Variants in LRMDA observed in about 807,000 individuals in gnomAD.
LRMDA encodes the protein leucine-rich melanocyte differentiation-associated protein.
In LRMDA, 18 loss-of-function variants were observed where a neutral mutation model predicts 29.8. That is an observed-to-expected ratio of 0.60 (90% CI 0.42 to 0.90). The LOEUF is 0.90. Among genes scored for constraint, LRMDA ranks in the 40% least tolerant of loss-of-function variants. The probability of loss-of-function intolerance (pLI) is 0.00; values close to 1 mark genes in which losing one functional copy is unlikely to be tolerated. For synonymous variants in LRMDA, 125 were observed against 109.4 expected (o/e 1.14, Z -0.89); for missense variants, 273 against 273.9 (o/e 1.00, Z 0.02).
At chr10:75,995,937 G>C (rs1269936017) in intron 2 of LRMDA, among the ~76,000 whole-genome samples, 1 of 152,124 alleles carries the variant, frequency 6.6e-6, no homozygotes, top group Non-Finnish European at 1.5e-5. Flanking sequence ...AAATTCCTGA[G>C]ATAAAATAAT....
intron 6 of LRMDA, among the ~76,000 whole-genome samples, chr10:76,545,638 T>TTTATTATTATTATTA (rs143193002): frequency 5.5e-4 from 79 of 143,774 alleles, no homozygotes; most frequent in Admixed American, 1.3e-3. Context: ...GGAACAACCT[T>TTTATTATTATTATTA]TTATTATTAT....
chr10:75,567,997 G>A (rs1840393891), intron 2 of LRMDA, among the ~76,000 whole-genome samples: 1 of 152,164 alleles, frequency 6.6e-6, no homozygotes, highest in Non-Finnish European at 1.5e-5. Flanking sequence ...ACATTATCTT[G>A]AAAAAGGAGC....
At chr10:76,494,835 A>G (rs1842866704) in intron 6 of LRMDA, among the ~76,000 whole-genome samples, 1 of 151,772 alleles carries the variant, frequency 6.6e-6, no homozygotes, top group Admixed American at 6.6e-5. Flanking sequence ...TTCTCTAAGT[A>G]TTTTGGACTC....
chr10:76,431,479 G>A (rs1842190262), intron 6 of LRMDA, among the ~76,000 whole-genome samples: 1 of 152,128 alleles, frequency 6.6e-6, no homozygotes, highest in African/African-American at 2.4e-5. Flanking sequence ...TGCAAATTCT[G>A]GGGCTTGAGA....
intron 2 of LRMDA, among the ~76,000 whole-genome samples, chr10:75,596,446 A>G (rs1195465785): frequency 6.6e-6 from 1 of 152,138 alleles, no homozygotes; most frequent in Non-Finnish European, 1.5e-5. Context: ...TTTTCTTCCT[A>G]GGAGTCTCCT....
At chr10:75,627,347 C>T (rs1283926496) in intron 2 of LRMDA, among the ~76,000 whole-genome samples, 1 of 152,194 alleles carries the variant, frequency 6.6e-6, no homozygotes, top group East Asian at 1.9e-4. Flanking sequence ...TCCTTGGAAA[C>T]TGTCTCCCCT....
chr10:76,097,770 C>T (rs889109825), intron 5 of LRMDA, among the ~76,000 whole-genome samples: 3 of 152,096 alleles, frequency 2.0e-5, no homozygotes, highest in African/African-American at 7.2e-5. Flanking sequence ...ATAAACCCTA[C>T]TTGGTAATGA....
chr10:76,243,237 A>G (rs1852310806), intron 5 of LRMDA, among the ~76,000 whole-genome samples: 1 of 152,190 alleles, frequency 6.6e-6, no homozygotes, highest in Non-Finnish European at 1.5e-5. Context: ...GTAATTTACT[A>G]CAGAGTTCGA....
intron 2 of LRMDA, among the ~76,000 whole-genome samples, chr10:75,695,369 T>C (rs1842221173): frequency 6.6e-6 from 1 of 152,090 alleles, no homozygotes; most frequent in Non-Finnish European, 1.5e-5. Context: ...TCTTATGTCT[T>C]AAAAATTGTA....
chr10:76,036,553 C>T (rs1468491735), intron 3 of LRMDA, among the ~76,000 whole-genome samples: 1 of 152,164 alleles, frequency 6.6e-6, no homozygotes, highest in Non-Finnish European at 1.5e-5. Flanking sequence ...AAGCAAACTT[C>T]CTCTCCTGGG....
chr10:75,448,269 C>T (rs1166913282), intron 2 of LRMDA, among the ~76,000 whole-genome samples: 1 of 152,202 alleles, frequency 6.6e-6, no homozygotes, highest in African/African-American at 2.4e-5. Flanking sequence ...CCCCTCTCAC[C>T]CATTTTACTG....
At chr10:76,254,335 C>T (rs145406207) in intron 5 of LRMDA, among the ~76,000 whole-genome samples, 5,451 of 134,686 alleles carry the variant, frequency 0.04, 382 homozygotes, top group African/African-American at 0.14. Flanking sequence ...CATACCATAC[C>T]ATACCATCCT....
At chr10:76,056,727 G>T (rs913663570) in intron 4 of LRMDA, among the ~76,000 whole-genome samples, 1 of 152,222 alleles carries the variant, frequency 6.6e-6, no homozygotes, top group Admixed American at 6.5e-5. Context: ...AGTCGGGAGA[G>T]GCCAGGCAGT....
intron 2 of LRMDA, among the ~76,000 whole-genome samples, chr10:75,655,044 C>T (rs1841650383): frequency 6.6e-6 from 1 of 152,168 alleles, no homozygotes; most frequent in Non-Finnish European, 1.5e-5. Flanking sequence ...GGAGAATTGT[C>T]TGAAAAGTTA....
intron 6 of LRMDA, among the ~76,000 whole-genome samples, chr10:76,367,423 AT>A: frequency 2.5e-5 from 1 of 40,172 alleles, no homozygotes; most frequent in Non-Finnish European, 6.0e-5. Context: ...AATTTTTTTA[AT>A]TTTTAATTTT....
intron 5 of LRMDA, among the ~76,000 whole-genome samples, chr10:76,294,644 T>C (rs1992012): frequency 0.15 from 23,208 of 152,190 alleles, 2,183 homozygotes; most frequent in Non-Finnish European, 0.23. Context: ...TGGTTCCAAG[T>C]GGTCCCAGCA....
intron 5 of LRMDA, among the ~76,000 whole-genome samples, chr10:76,239,240 T>C (rs1163431965): frequency 6.6e-6 from 1 of 152,162 alleles, no homozygotes; most frequent in Non-Finnish European, 1.5e-5. Flanking sequence ...TTTCTGGTCC[T>C]TCTCCCCCAA....
chr10:75,462,710 T>C (rs976435803), intron 2 of LRMDA, among the ~76,000 whole-genome samples: 4 of 152,212 alleles, frequency 2.6e-5, no homozygotes, highest in African/African-American at 9.7e-5. Flanking sequence ...TGTGCTGGTA[T>C]AATTAGCTTT....
chr10:76,412,003 C>T (rs954100175), intron 6 of LRMDA, among the ~76,000 whole-genome samples: 1 of 152,228 alleles, frequency 6.6e-6, no homozygotes, highest in African/African-American at 2.4e-5. Flanking sequence ...AGTGCATTTA[C>T]AAGGCGCCAG....
Sources: allele counts gnomAD v4.1 joint callset (sites outside exome capture counted in the v4.1 genomes callset), GRCh38; gene constraint gnomAD v4.1.1; transcripts MANE v1.5; gene names NCBI Gene and HGNC (gene_info 2026-07-23, HGNC 2026-07-21).